The following KIF1A variants were observed in gnomAD, a reference collection of about 807,000 sequenced individuals.
The protein encoded by KIF1A is kinesin-like protein KIF1A.
KIF1A carries 46 observed loss-of-function variants against 227.3 expected under a neutral mutation model. The observed-to-expected ratio is 0.20, with a 90% CI of 0.16 to 0.26. The LOEUF (loss-of-function observed/expected upper bound fraction) is 0.26, where lower values mean the gene tolerates loss of function less well. Ranked by LOEUF, KIF1A falls within the 10% of genes least tolerant of loss-of-function variation. The pLI, the probability that KIF1A is intolerant of heterozygous loss-of-function variation, is 1.00. For synonymous variants in KIF1A, 1,022 were observed against 1,012.8 expected (o/e 1.01, Z -0.17); for missense variants, 1,683 against 2,485.9 (o/e 0.68, Z 6.87).
intron 37 of KIF1A, among the ~76,000 whole-genome samples, chr2:240,738,380 G>A (rs929706455): frequency 5.3e-5 from 8 of 152,146 alleles, no homozygotes; most frequent in South Asian, 4.1e-4. Context: ...GTCTCTCCTC[G>A]ACTTTCATCC....
chr2:240,804,308 C>T (rs1007053745), intron 1 of KIF1A, among the ~76,000 whole-genome samples: 22 of 152,138 alleles, frequency 1.4e-4, no homozygotes, highest in African/African-American at 5.3e-4. Flanking sequence ...CAACAGAGAG[C>T]AAAAGGGCTG....
intron 2 of KIF1A, among the ~76,000 whole-genome samples, chr2:240,795,477 G>A (rs2056255404): frequency 6.6e-6 from 1 of 152,216 alleles, no homozygotes; most frequent in African/African-American, 2.4e-5. Flanking sequence ...AAACCACTGG[G>A]GCATGAGGTC....
chr2:240,813,467 C>A (rs1173341204), intron 1 of KIF1A, among the ~76,000 whole-genome samples: 3 of 152,186 alleles, frequency 2.0e-5, no homozygotes, highest in Admixed American at 1.3e-4. Flanking sequence ...GAAGCCCGCA[C>A]CCCCAGCCCC....
At chr2:240,770,059 C>A (rs1242905660) in intron 15 of KIF1A, among the ~76,000 whole-genome samples, 4 of 152,182 alleles carry the variant, frequency 2.6e-5, no homozygotes, top group Non-Finnish European at 4.4e-5. Flanking sequence ...CCAACATCAG[C>A]CTGGTCTCTC....
intron 20 of KIF1A, 51 bp from the exon 21 acceptor site, chr2:240,763,397 CTGATGGT>C: frequency 6.6e-7 from 1 of 1,507,768 alleles, no homozygotes; most frequent in Non-Finnish European, 8.9e-7. Context: ...CTTCAGGTCC[CTGATGGT>C]CTCAAGCGGG....
chr2:240,781,529 A>G (rs953633168), intron 10 of KIF1A, among the ~76,000 whole-genome samples: 2 of 151,508 alleles, frequency 1.3e-5, no homozygotes, highest in Admixed American at 1.3e-4. Context: ...AGCTCCTCAC[A>G]GTCCCGCACA....
At chr2:240,731,578 A>G (rs1013209585) in intron 38 of KIF1A, among the ~76,000 whole-genome samples, 1 of 152,182 alleles carries the variant, frequency 6.6e-6, no homozygotes, top group Non-Finnish European at 1.5e-5. Flanking sequence ...GGAGAATCCT[A>G]GACCAGATCT....
chr2:240,776,050 G>A (rs896553014), intron 10 of KIF1A, 124 bp from the exon 11 acceptor site: 14 of 714,894 alleles, frequency 2.0e-5, no homozygotes, highest in Admixed American at 6.2e-5. Context: ...GGCGGGGCCC[G>A]CTCTGCTGGA....
At chr2:240,730,519 A>G (rs767303884) in intron 38 of KIF1A, among the ~76,000 whole-genome samples, 4 of 152,160 alleles carry the variant, frequency 2.6e-5, no homozygotes, top group Non-Finnish European at 5.9e-5. Context: ...AACCCTCAGA[A>G]TCATCACAAG....
intron 14 of KIF1A, 74 bp from the exon 15 acceptor site, chr2:240,771,178 G>A (rs766690166): frequency 2.3e-5 from 37 of 1,589,158 alleles, no homozygotes; most frequent in Admixed American, 6.8e-5. Flanking sequence ...GGTCGGACAC[G>A]TCTATGGGGA....
rs1198904571 is a variant in KIF1A, at chr2:240,740,426, C to T, written c.3750-62G>A. ...CCTCCTCTCTGCCCTCCCCGCAGCACAGGACACAGTGGACGGGAGCAAAAA... is the reference window on the plus strand; with the variant it reads ...CCTCCTCTCTGCCCTCCCCGCAGCATAGGACACAGTGGACGGGAGCAAAAA... On this transcript the variant is annotated intron_variant, in intron 35 of 48. Coordinates refer to ENST00000498729, the MANE Select transcript of KIF1A (RefSeq NM_001244008.2). This position sits in a 1 kb window ranked among gnomAD's most constrained non-coding sequence, Gnocchi z 6.1. The T allele has an allele frequency of 7.1e-6, 10 of 1,416,226 alleles. No individual in the cohort carries two copies. Among genetic ancestry groups the T allele is most frequent in the South Asian group, 2.3e-5 (2 of 85,826 alleles). The allele number at this position is 1,416,226 out of a possible 1,614,324, so 87.7% of individuals were successfully genotyped here. A position where few individuals can be genotyped will look rare whatever the true frequency, so the allele number is the denominator to read the frequency against.
At chr2:240,787,884 A>C (rs1559531240) in intron 4 of KIF1A, among the ~76,000 whole-genome samples, 167 bp downstream of exon 4, 1 of 151,914 alleles carries the variant, frequency 6.6e-6, no homozygotes, top group Non-Finnish European at 1.5e-5. Context: ...TCACAGCCAC[A>C]TCTGGCTCTC....
intron 10 of KIF1A, among the ~76,000 whole-genome samples, chr2:240,777,775 G>A (rs1411404920): frequency 6.6e-6 from 1 of 152,230 alleles, no homozygotes; most frequent in Non-Finnish European, 1.5e-5. Context: ...CCTCAGACGG[G>A]CCCGGCTCCT....
In KIF1A at chr2:240,739,620, T is replaced by C. The variant is rs2047722240; in HGVS notation, c.3901+438A>G. On this transcript the variant is annotated intron_variant, in intron 37 of 48. Transcript: ENST00000498729. This position sits in a 1 kb window ranked among gnomAD's most constrained non-coding sequence, Gnocchi z 5.6. ...ACAGGAGAAGCCTGCGAAAATGCAG[T>C]GATGCGTCTGCAGGCCAGGGTCGCC... is the stretch of plus-strand genomic sequence containing the variant. Among the ~76,000 whole-genome samples the C allele has an allele frequency of 6.6e-6, 1 of 152,002 alleles. No homozygotes were observed. Among genetic ancestry groups the C allele is most frequent in the Admixed American group, 6.5e-5 (1 of 15,272 alleles).
intron 29 of KIF1A, among the ~76,000 whole-genome samples, chr2:240,746,940 G>A (rs1474966201): frequency 6.6e-6 from 1 of 152,210 alleles, no homozygotes; most frequent in East Asian, 1.9e-4. Context: ...GGGGGTGGCT[G>A]CACCTCAGTG....
chr2:240,766,749 T>TCTCTCTCTCTCACACACACACACA lies in KIF1A; in HGVS notation c.1684+165_1684+166insTGTGTGTGTGTGTGAGAGAGAGAG, dbSNP rs1454271542. Among the ~76,000 whole-genome samples the TCTCTCTCTCTCACACACACACACA allele has an allele frequency of 4.6e-5, 5 of 109,022 alleles. No homozygotes were observed. Among genetic ancestry groups the TCTCTCTCTCTCACACACACACACA allele is most frequent in the African/African-American group, 1.7e-4 (4 of 24,164 alleles). The allele number at this position is 109,022 out of a possible 152,430, so 71.5% of individuals were successfully genotyped here. On this transcript the variant is annotated intron_variant, in intron 19 of 48. Coordinates refer to ENST00000498729, the MANE Select transcript of KIF1A (RefSeq NM_001244008.2). The surrounding 1 kb of genome is among the most constrained non-coding windows in gnomAD (Gnocchi z 5.0). The stretch of plus-strand genomic sequence containing the variant: ...CTCTCTCTCTCTCTCTCTCTCTCTC[T>TCTCTCTCTCTCACACACACACACA]CACACACACACACACACACACACAC...
chr2:240,761,205 C>T (rs761463247), intron 24 of KIF1A, 24 bp downstream of exon 24: 20 of 1,600,298 alleles, frequency 1.2e-5, no homozygotes, highest in South Asian at 2.2e-5. Context: ...CAACAGGAAA[C>T]GGTACAGCCA....
At chr2:240,720,807 C>A in intron 45 of KIF1A, 107 bp downstream of exon 45, 1 of 1,344,896 alleles carries the variant, frequency 7.4e-7, no homozygotes. Flanking sequence ...CCAAGGCACT[C>A]GGCCATTGGG....
At chr2:240,780,121 T>C (rs60806127) in intron 10 of KIF1A, among the ~76,000 whole-genome samples, 6,676 of 151,784 alleles carry the variant, frequency 0.044, 490 homozygotes, top group African/African-American at 0.15. Context: ...CACAGTGTCC[T>C]CCACATTTCC....
Sources: gnomAD v4.1 joint callset for allele counts (sites outside exome capture counted in the v4.1 genomes callset) on GRCh38, gnomAD v4.1.1 for gene constraint, Gnocchi (gnomAD v3.1) non-coding constraint, MANE v1.5 for transcripts, NCBI Gene and HGNC (gene_info 2026-07-23, HGNC 2026-07-21) for gene names.